The following DOCK5 variants were observed in gnomAD, a reference collection of about 807,000 sequenced individuals.
The protein encoded by DOCK5 is dedicator of cytokinesis 5, also known as dedicator of cytokinesis protein 5.
Under a neutral mutation model 251.8 loss-of-function variants are expected in DOCK5, and 142 were observed. That is an observed-to-expected ratio of 0.56 (90% CI 0.49 to 0.65). The LOEUF is 0.65. DOCK5 is among the 30% of genes least tolerant of loss of function. The pLI, the probability that DOCK5 is intolerant of heterozygous loss-of-function variation, is 0.00. For synonymous variants in DOCK5, 842 were observed against 835.5 expected (o/e 1.01, Z -0.13); for missense variants, 2,111 against 2,312.3 (o/e 0.91, Z 1.79).
At chr8:25,261,381 A>G (rs576231238) in intron 2 of DOCK5, among the ~76,000 whole-genome samples, 130 of 152,312 alleles carry the variant, frequency 8.5e-4, no homozygotes, top group African/African-American at 2.9e-3. Context: ...ATTTTGGAGC[A>G]TGCAGTAGTA....
At chr8:25,390,380 G>C (rs963150527) in intron 42 of DOCK5, 93 bp downstream of exon 42, 13 of 1,161,388 alleles carry the variant, frequency 1.1e-5, no homozygotes, top group Non-Finnish European at 1.6e-5. Context: ...GCTGAGGGAG[G>C]AGTATTGCTC....
chr8:25,281,602 C>T (rs189452912), intron 5 of DOCK5, among the ~76,000 whole-genome samples: 2,501 of 150,236 alleles, frequency 0.017, 70 homozygotes, highest in African/African-American at 0.055. Context: ...AAAAAAAGGC[C>T]AGGCGCAGTG....
intron 5 of DOCK5, among the ~76,000 whole-genome samples, chr8:25,280,202 G>A (rs953210822): frequency 7.9e-5 from 12 of 152,184 alleles, no homozygotes; most frequent in South Asian, 2.1e-4. Context: ...ATATTCTCTC[G>A]TTAGATGTGT....
intron 51 of DOCK5, among the ~76,000 whole-genome samples, chr8:25,410,487 G>A (rs770640943): frequency 7.2e-5 from 11 of 151,782 alleles, no homozygotes; most frequent in Admixed American, 1.3e-4. Flanking sequence ...GCGGGGGCAG[G>A]GTCTGGCTCT....
At chr8:25,306,444 C>T (rs928295444) in intron 11 of DOCK5, among the ~76,000 whole-genome samples, 7 of 152,058 alleles carry the variant, frequency 4.6e-5, no homozygotes, top group East Asian at 1.9e-4. Flanking sequence ...CATAGGCTTA[C>T]GCCTGTAATC....
At chr8:25,352,665 G>T (rs1000386637) in intron 27 of DOCK5, among the ~76,000 whole-genome samples, 1 of 152,066 alleles carries the variant, frequency 6.6e-6, no homozygotes, top group African/African-American at 2.4e-5. Flanking sequence ...TCACAAATAC[G>T]TATTTAAAAA....
intron 22 of DOCK5, 94 bp downstream of exon 22, chr8:25,336,467 CAGTT>C: frequency 6.9e-7 from 1 of 1,449,682 alleles, no homozygotes; most frequent in Non-Finnish European, 9.4e-7. Context: ...GCTCTGTGAG[CAGTT>C]AGTTCTTAGA....
Position 25,325,488 on chromosome 8 carries a change from G to A in DOCK5, c.1844G>A (p.Ser615Asn), listed in dbSNP as rs1415795825. 1 of 1,613,742 alleles carries A rather than the reference G, an allele frequency of 6.2e-7. No homozygotes were observed. Among genetic ancestry groups the A allele is most frequent in the African/African-American group, 1.3e-5 (1 of 74,924 alleles). ...NLVTFTPSKD[S>N]TKDSFQIATL... ...GTCACCTTCACCCCAAGCAAGGATA[G>A]CACTAAAGACAGCTTTCAGATTGCC... Residue 615 changes from serine (S) to asparagine (N), a missense_variant, in exon 18 of 52, where the codon AGC becomes AAC. Ser to Asn is a conservative substitution (Grantham distance 46). Coordinates refer to ENST00000276440, the MANE Select transcript of DOCK5 (RefSeq NM_024940.8).
At chr8:25,370,205 C>T in intron 34 of DOCK5, among the ~76,000 whole-genome samples, 1 of 152,180 alleles carries the variant, frequency 6.6e-6, no homozygotes, top group East Asian at 1.9e-4. Flanking sequence ...TCTTGCCCTC[C>T]TTGGCACATG....
intron 27 of DOCK5, among the ~76,000 whole-genome samples, chr8:25,353,567 C>G (rs1260490289): frequency 6.6e-6 from 1 of 151,518 alleles, no homozygotes. Flanking sequence ...CAAGGAAATA[C>G]TATTTTTTTT....
intron 1 of DOCK5, among the ~76,000 whole-genome samples, chr8:25,200,063 C>T (rs1801843703): frequency 6.6e-6 from 1 of 152,174 alleles, no homozygotes; most frequent in East Asian, 1.9e-4. Flanking sequence ...CATTGTTATA[C>T]ATTTGATGTC....
rs1737054424 is a variant in DOCK5, at chr8:25,392,850, C to T, written c.4495C>T (p.Leu1499Phe). ...YTTAYTFPGI[L>F]KWFEVKQIST... is the part of the protein sequence containing the mutation. ...GACTGCATATACCTTTCCTGGGATT[C>T]TCAAGTGGTTTGAAGTCAAACAGAT... The change falls in exon 44 of 52, where the codon CTC becomes TTC. Residue 1499 changes from leucine to phenylalanine, a missense_variant. Leu to Phe is a conservative substitution (Grantham distance 22). Around this residue, in one of 3 missense-constraint regions of DOCK5, gnomAD observed 1,717 missense variants for 1,892.4 expected, o/e 0.91. Coordinates refer to ENST00000276440, the MANE Select transcript of DOCK5 (RefSeq NM_024940.8). The T allele has an allele frequency of 6.2e-7, 1 of 1,612,876 alleles. No homozygotes were observed. Among genetic ancestry groups the T allele is most frequent in the South Asian group, 1.1e-5 (1 of 90,724 alleles).
At chr8:25,242,986 A>C (rs2117545256) in intron 1 of DOCK5, among the ~76,000 whole-genome samples, 1 of 152,366 alleles carries the variant, frequency 6.6e-6, no homozygotes, top group East Asian at 1.9e-4. Context: ...CTGATGAACA[A>C]GGGCACTGAC....
intron 40 of DOCK5, among the ~76,000 whole-genome samples, chr8:25,384,556 T>C (rs1158403466): frequency 6.6e-6 from 1 of 150,816 alleles, no homozygotes; most frequent in South Asian, 2.1e-4. Context: ...GTCTTCTGGG[T>C]TGAAGCGATT....
At chr8:25,190,849 T>TCTCGGCTCACTGCAAG (rs1459620493) in intron 1 of DOCK5, among the ~76,000 whole-genome samples, 9 of 135,938 alleles carry the variant, frequency 6.6e-5, no homozygotes, top group African/African-American at 2.5e-4. Flanking sequence ...AGTGGCGCGA[T>TCTCGGCTCACTGCAAG]CTCGGCTCAC....
chr8:25,343,445 A>G (rs1800293921), intron 25 of DOCK5, among the ~76,000 whole-genome samples: 1 of 152,212 alleles, frequency 6.6e-6, no homozygotes, highest in African/African-American at 2.4e-5. Flanking sequence ...TCAGCTCGGT[A>G]TTTCCAACAG....
In DOCK5 at chr8:25,401,153, G is replaced by A. The variant is rs186980314; in HGVS notation, c.4926+87G>A. The stretch of plus-strand genomic sequence containing the variant: ...GATTCGTTTTTCAGATGCCAAGTGA[G>A]TTGTAATAACTTAGCTATGGCATGG... On this transcript the variant is annotated intron_variant, in intron 47 of 51. Transcript: ENST00000276440. 422 of 1,544,636 alleles carry A rather than the reference G, an allele frequency of 2.7e-4. 1 individual carries two copies. In the Admixed American group the frequency reaches 7.2e-3, roughly 26 times the overall value.
chr8:25,197,731 A>G (rs13269128), intron 1 of DOCK5, among the ~76,000 whole-genome samples: 90,343 of 145,136 alleles, frequency 0.62, 30,537 homozygotes, highest in Non-Finnish European at 0.76. Flanking sequence ...CTACAGGTAC[A>G]TGCAACCATG....
chr8:25,226,205 T>C (rs1284037531), intron 1 of DOCK5, among the ~76,000 whole-genome samples: 1 of 151,850 alleles, frequency 6.6e-6, no homozygotes, highest in Non-Finnish European at 1.5e-5. Context: ...GGGTAGTATG[T>C]ATCCTCCACA....
Sources: allele counts gnomAD v4.1 joint callset (sites outside exome capture counted in the v4.1 genomes callset), GRCh38; gene constraint gnomAD v4.1.1; regional missense constraint gnomAD v4.1.1; transcripts MANE v1.5; gene names NCBI Gene and HGNC (gene_info 2026-07-23, HGNC 2026-07-21).